Variants in HMGN5 observed in about 807,000 individuals in gnomAD.
HMGN5 encodes the protein high mobility group nucleosome binding domain 5, also known as high mobility group nucleosome-binding domain-containing protein 5.
A neutral mutation model predicts 9.5 loss-of-function variants in HMGN5; 4 were observed. That is an observed-to-expected ratio of 0.42 (90% CI 0.21 to 0.96). The LOEUF (loss-of-function observed/expected upper bound fraction) is 0.96. Among genes scored for constraint, HMGN5 ranks in the 40% least tolerant of loss-of-function variants. The pLI, the probability that HMGN5 is intolerant of heterozygous loss-of-function variation, is 0.30. For missense variants in HMGN5, 192 were observed against 187.5 expected (o/e 1.02, Z -0.14); for synonymous variants, 55 against 57.1 (o/e 0.96, Z 0.16).
At chrX:81,136,350 T>A (rs1257584643) in intron 1 of HMGN5, among the ~76,000 whole-genome samples, 1 of 111,511 alleles carries the variant, frequency 9.0e-6, no homozygotes, top group Non-Finnish European at 1.9e-5. Flanking sequence ...TAGTTGATGA[T>A]TGAAACAAAA....
Position 81,188,068 on chromosome X carries a change from ACTGT to A in HMGN5, c.-124+13665_-124+13668del, listed in dbSNP as rs750435594. 2.7e-3 allele frequency among the ~76,000 whole-genome samples: 299 copies of A among 109,236 alleles called. 3 individuals carry two copies. The highest frequency in any genetic ancestry group is 9.5e-3 in the African/African-American group (287 of 30,128). 94.9% of individuals were successfully genotyped at this position (109,236 alleles called of 115,157 possible). A position where few individuals can be genotyped will look rare whatever the true frequency, so the allele number is the denominator to read the frequency against. On this transcript the variant is annotated intron_variant, in intron 1 of 6. Transcript: ENST00000358130. Reference sequence around the variant, plus strand: ...GTTGTTTCTACTTATATCTTATTGTACTGTCTATGTCTTGAAAAGTTGTAATTAT... The same window carrying A: ...GTTGTTTCTACTTATATCTTATTGTACTATGTCTTGAAAAGTTGTAATTAT...
chrX:81,139,224 A>G (rs1472595935), intron 1 of HMGN5, among the ~76,000 whole-genome samples: 1 of 112,680 alleles, frequency 8.9e-6, no homozygotes, highest in East Asian at 2.8e-4. Flanking sequence ...GTTAAGGTTT[A>G]CTATAGCCAC....
chrX:81,121,832 T>G, intron 1 of HMGN5, 160 bp from the exon 2 acceptor site: 1 of 281,503 alleles, frequency 3.6e-6, no homozygotes, highest in Non-Finnish European at 6.2e-6. Flanking sequence ...GCCCGCGAAC[T>G]TGCCCGAAGC....
intron 2 of HMGN5, among the ~76,000 whole-genome samples, chrX:81,120,901 T>G (rs930067919): frequency 9.0e-6 from 1 of 110,943 alleles, no homozygotes; most frequent in East Asian, 2.8e-4. Context: ...CTTCCCATCT[T>G]TAGCTAAAGA....
intron 1 of HMGN5, among the ~76,000 whole-genome samples, chrX:81,171,225 T>A (rs948588465): frequency 5.4e-5 from 6 of 111,980 alleles, no homozygotes; most frequent in African/African-American, 1.6e-4. Flanking sequence ...TGGGATTTTA[T>A]AAATGGACCA....
intron 1 of HMGN5, among the ~76,000 whole-genome samples, chrX:81,175,771 G>T (rs1036816997): frequency 5.4e-5 from 6 of 111,372 alleles, no homozygotes; most frequent in African/African-American, 2.0e-4. Flanking sequence ...TTCCACTGAA[G>T]TGCCTTCACC....
chrX:81,140,559 CAAAAAAAAAAA>C (rs1227925535), intron 1 of HMGN5, among the ~76,000 whole-genome samples: 4 of 33,632 alleles, frequency 1.2e-4, no homozygotes, highest in Non-Finnish European at 1.9e-4. Flanking sequence ...GACTCTGTCT[CAAAAAAAAAAA>C]AAAAAAAAAA....
rs2075243915 is a variant in HMGN5 at position 81,113,827 on chromosome X, G to C, written c.*822C>G. 8.9e-6 allele frequency: 1 copy of C among 112,044 alleles called. No individual in the cohort carries two copies. The highest frequency in any genetic ancestry group is 1.9e-5 in the Non-Finnish European group (1 of 53,080). The allele number at this position is 112,044 out of a possible 1,213,427, so 9.2% of individuals were successfully genotyped here. A position where few individuals can be genotyped will look rare whatever the true frequency, so the allele number is the denominator to read the frequency against. ...GAAAATGGGAAGAGACTGCTAATTG[G>C]TGCTTTGTTTCTTATTTGGGTGATA... On this transcript the variant is annotated 3_prime_UTR_variant, in exon 7 of 7. Transcript: ENST00000358130.
chrX:81,171,014 C>T (rs1305197923), intron 1 of HMGN5, among the ~76,000 whole-genome samples: 7 of 111,401 alleles, frequency 6.3e-5, no homozygotes, highest in Non-Finnish European at 1.1e-4. Flanking sequence ...AATATGCTGC[C>T]TTCCAGGGAG....
At chrX:81,128,632 G>T (rs2075290996) in intron 1 of HMGN5, among the ~76,000 whole-genome samples, 1 of 110,757 alleles carries the variant, frequency 9.0e-6, no homozygotes, top group African/African-American at 3.3e-5. Flanking sequence ...AATTTCTTCT[G>T]AATAAGGCCC....
At chrX:81,189,695 A>G (rs1358681135) in intron 1 of HMGN5, among the ~76,000 whole-genome samples, 1 of 112,336 alleles carries the variant, frequency 8.9e-6, no homozygotes, top group East Asian at 2.8e-4. Context: ...ATAAACATCC[A>G]TGTGCTTGTT....
intron 1 of HMGN5, among the ~76,000 whole-genome samples, chrX:81,142,126 A>G (rs371490774): frequency 8.9e-6 from 1 of 111,858 alleles, no homozygotes; most frequent in Non-Finnish European, 1.9e-5. Flanking sequence ...CAATTAGTGA[A>G]TTTGAGGACA....
At chrX:81,188,410 T>C (rs190287022) in intron 1 of HMGN5, among the ~76,000 whole-genome samples, 2 of 109,661 alleles carry the variant, frequency 1.8e-5, no homozygotes, top group Non-Finnish European at 3.8e-5. Flanking sequence ...ATTACAAGCG[T>C]GAGCCATTGT....
chrX:81,154,470 A>G (rs962403492), intron 1 of HMGN5, among the ~76,000 whole-genome samples: 1 of 111,598 alleles, frequency 9.0e-6, no homozygotes, highest in African/African-American at 3.3e-5. Flanking sequence ...TTTCTTGAGC[A>G]TTATCTCCCA....
chrX:81,161,327 A>G (rs1365739963), intron 1 of HMGN5, among the ~76,000 whole-genome samples: 1 of 111,259 alleles, frequency 9.0e-6, no homozygotes, highest in Non-Finnish European at 1.9e-5. Flanking sequence ...ACTGCCAGAT[A>G]TATGAATGAA....
intron 1 of HMGN5, among the ~76,000 whole-genome samples, chrX:81,178,235 A>G (rs933897328): frequency 2.7e-5 from 3 of 111,838 alleles, no homozygotes; most frequent in African/African-American, 9.7e-5. Context: ...GGAAAGAGAT[A>G]GAGACACAAA....
intron 1 of HMGN5, among the ~76,000 whole-genome samples, chrX:81,158,634 A>G (rs2075390108): frequency 8.9e-6 from 1 of 112,170 alleles, no homozygotes; most frequent in Non-Finnish European, 1.9e-5. Context: ...CTCTGAGGAT[A>G]GTTTCTTTTG....
intron 1 of HMGN5, among the ~76,000 whole-genome samples, chrX:81,142,604 T>C (rs1182348401): frequency 1.8e-5 from 2 of 111,848 alleles, no homozygotes; most frequent in South Asian, 3.7e-4. Flanking sequence ...AAAACTTTTA[T>C]CCTAGAATAG....
intron 1 of HMGN5, among the ~76,000 whole-genome samples, chrX:81,140,515 G>A (rs898395163): frequency 2.3e-4 from 23 of 99,110 alleles, no homozygotes; most frequent in African/African-American, 6.8e-4. Context: ...AGGCGAGATC[G>A]CGCCACTGCA....
Sources: gnomAD v4.1 joint callset for allele counts (sites outside exome capture counted in the v4.1 genomes callset) on GRCh38, gnomAD v4.1.1 for gene constraint, MANE v1.5 for transcripts, NCBI Gene and HGNC (gene_info 2026-07-23, HGNC 2026-07-21) for gene names.